RIMS2: variants seen among roughly 807,000 people sequenced by gnomAD.
The protein encoded by RIMS2 is regulating synaptic membrane exocytosis 2.
RIMS2 carries 59 observed loss-of-function variants against 174.4 expected under a neutral mutation model. The observed-to-expected ratio is 0.34, with a 90% CI of 0.27 to 0.42. The LOEUF (loss-of-function observed/expected upper bound fraction) is 0.42. Among genes scored for constraint, RIMS2 ranks in the 10% least tolerant of loss-of-function variants. RIMS2 has a pLI of 1.00. For missense variants in RIMS2, 1,620 were observed against 1,666.3 expected (o/e 0.97, Z 0.48); for synonymous variants, 606 against 572.5 (o/e 1.06, Z -0.84).
chr8:103,900,069 A>G (rs1170931056), intron 4 of RIMS2, among the ~76,000 whole-genome samples: 1 of 151,524 alleles, frequency 6.6e-6, no homozygotes, highest in African/African-American at 2.4e-5. Flanking sequence ...GTTCTGTTCC[A>G]TTGGTCTATA....
intron 19 of RIMS2, among the ~76,000 whole-genome samples, chr8:104,234,657 T>C (rs1158808588): frequency 6.6e-6 from 1 of 152,168 alleles, no homozygotes; most frequent in Non-Finnish European, 1.5e-5. Flanking sequence ...ATGATAAGCC[T>C]TACTTTTATG....
chr8:104,028,301 G>A (rs1049984387), intron 19 of RIMS2, among the ~76,000 whole-genome samples: 5 of 151,908 alleles, frequency 3.3e-5, no homozygotes, highest in Admixed American at 3.3e-4. Context: ...TTACTAAAAA[G>A]TCACCTCTTA....
chr8:103,755,453 T>A (rs2097978906), intron 2 of RIMS2, among the ~76,000 whole-genome samples: 1 of 152,190 alleles, frequency 6.6e-6, no homozygotes, highest in Non-Finnish European at 1.5e-5. Context: ...TTCTTTATAT[T>A]TCCTGAATTT....
At chr8:104,213,594 G>A (rs1459424028) in intron 19 of RIMS2, among the ~76,000 whole-genome samples, 1 of 152,088 alleles carries the variant, frequency 6.6e-6, no homozygotes, top group African/African-American at 2.4e-5. Context: ...AGAAATGAAT[G>A]GGCCGGGTGC....
chr8:103,667,473 G>A (rs1055154479), intron 1 of RIMS2, among the ~76,000 whole-genome samples: 2 of 152,170 alleles, frequency 1.3e-5, no homozygotes, highest in African/African-American at 2.4e-5. Flanking sequence ...AACTGATGAC[G>A]TAGGTTAAGA....
chr8:103,678,950 C>T lies in RIMS2; in HGVS notation c.177-18136C>T, dbSNP rs555535503. Among the ~76,000 whole-genome samples, 4 of 152,002 alleles carry T rather than the reference C, an allele frequency of 2.6e-5. No individual in the cohort carries two copies. The East Asian group carries it at 7.7e-4, about 29-fold the overall frequency. ...CATGTTTTTAGGTGGGAAGACTCAA[C>T]ACTGTGAAGATGTCAATTATCCTAA... On this transcript the variant is annotated intron_variant, in intron 1 of 23. Coordinates refer to ENST00000504942, the Ensembl canonical transcript of RIMS2.
chr8:104,220,122 A>G (rs899597427), intron 19 of RIMS2, among the ~76,000 whole-genome samples: 5 of 152,180 alleles, frequency 3.3e-5, no homozygotes, highest in African/African-American at 9.7e-5. Flanking sequence ...GTCTCTGGCC[A>G]TTATTGAAGG....
intron 4 of RIMS2, among the ~76,000 whole-genome samples, chr8:103,896,456 T>C (rs946818105): frequency 6.6e-6 from 1 of 151,734 alleles, no homozygotes; most frequent in Non-Finnish European, 1.5e-5. Flanking sequence ...CTAGAAGTTT[T>C]TCTCAATTTG....
At chr8:103,917,826 A>G (rs2154528795) in intron 8 of RIMS2, among the ~76,000 whole-genome samples, 1 of 152,256 alleles carries the variant, frequency 6.6e-6, no homozygotes, top group South Asian at 2.1e-4. Context: ...AGCCTGGCCA[A>G]CATGGTGAAA....
At chr8:103,791,536 C>G (rs535916399) in intron 3 of RIMS2, among the ~76,000 whole-genome samples, 3 of 152,230 alleles carry the variant, frequency 2.0e-5, no homozygotes, top group Non-Finnish European at 4.4e-5. Flanking sequence ...AACCAGCTAA[C>G]ATCATAATGA....
chr8:104,225,008 C>T (rs2099176811), intron 19 of RIMS2, among the ~76,000 whole-genome samples: 1 of 152,112 alleles, frequency 6.6e-6, no homozygotes, highest in Non-Finnish European at 1.5e-5. Flanking sequence ...TGTACGTTTA[C>T]GTTTCACTTG....
At chr8:103,532,755 G>A (rs1837805550) in intron 1 of RIMS2, among the ~76,000 whole-genome samples, 1 of 152,170 alleles carries the variant, frequency 6.6e-6, no homozygotes, top group Non-Finnish European at 1.5e-5. Context: ...CAACTCAACA[G>A]CATTTTGAGT....
At chr8:103,689,078 T>A (rs1014457393) in intron 1 of RIMS2, among the ~76,000 whole-genome samples, 1 of 152,098 alleles carries the variant, frequency 6.6e-6, no homozygotes, top group African/African-American at 2.4e-5. Context: ...CAAGGTATTT[T>A]TTTAACTTGC....
chr8:103,938,488 C>G (rs867309777), intron 13 of RIMS2, among the ~76,000 whole-genome samples: 1 of 152,066 alleles, frequency 6.6e-6, no homozygotes, highest in Non-Finnish European at 1.5e-5. Context: ...GTCCTTCCCA[C>G]GACACATGGG....
At chr8:103,569,062 TG>T in intron 1 of RIMS2, 3 of 385,394 alleles carry the variant, frequency 7.8e-6, no homozygotes, top group Middle Eastern at 7.3e-4. Flanking sequence ...TCTTTTTTTT[TG>T]TTTTTGTTGC....
At chr8:104,177,281 G>A (rs977263806) in intron 19 of RIMS2, among the ~76,000 whole-genome samples, 1 of 152,078 alleles carries the variant, frequency 6.6e-6, no homozygotes, top group African/African-American at 2.4e-5. Context: ...TTAGTTCATT[G>A]TTTAATAGTG....
At chr8:103,645,902 A>G (rs1310537731) in intron 1 of RIMS2, among the ~76,000 whole-genome samples, 2 of 152,198 alleles carry the variant, frequency 1.3e-5, no homozygotes, top group Admixed American at 6.5e-5. Flanking sequence ...TCTGTGAGCA[A>G]TAAAGCTGTT....
At chr8:103,758,242 A>G (rs867052970) in intron 2 of RIMS2, among the ~76,000 whole-genome samples, 41 of 152,102 alleles carry the variant, frequency 2.7e-4, no homozygotes, top group African/African-American at 9.4e-4. Flanking sequence ...GATTGCCTTC[A>G]TGCAGTCTCT....
At chr8:103,851,662 CA>C (rs2098998912) in intron 3 of RIMS2, among the ~76,000 whole-genome samples, 4 of 150,148 alleles carry the variant, frequency 2.7e-5, no homozygotes, top group African/African-American at 4.9e-5. Context: ...CACACACACA[CA>C]CACACACACA....
Sources: allele counts gnomAD v4.1 joint callset (sites outside exome capture counted in the v4.1 genomes callset), GRCh38; gene constraint gnomAD v4.1.1; transcripts MANE v1.5; gene names NCBI Gene and HGNC (gene_info 2026-07-23, HGNC 2026-07-21).